The following TTYH3 variants were observed in gnomAD, a reference collection of about 807,000 sequenced individuals.
TTYH3 encodes protein tweety homolog 3.
In TTYH3, 23 loss-of-function variants were observed where a neutral mutation model predicts 68.2. The ratio of observed to expected loss-of-function variants is 0.34; its 90% confidence interval spans 0.24 to 0.48. The LOEUF (loss-of-function observed/expected upper bound fraction) is 0.48, where lower values mean the gene tolerates loss of function less well. Among genes scored for constraint, TTYH3 ranks in the 20% least tolerant of loss-of-function variants. The pLI is 0.99. For synonymous variants in TTYH3, 360 were observed against 332.8 expected (o/e 1.08, Z -0.89); for missense variants, 768 against 727.7 (o/e 1.06, Z -0.64).
rs1366279169 is a variant in TTYH3, at chr7:2,647,030, C to T, written c.293+8C>T. 3.1e-6 allele frequency: 3 copies of T among 977,122 alleles called. No individual in the cohort carries two copies. Among genetic ancestry groups the T allele is most frequent in the African/African-American group, 1.8e-5 (1 of 55,668 alleles). The allele number at this position is 977,122 out of a possible 1,614,324, so 60.5% of individuals were successfully genotyped here. ...CGCCACGCTGGTGTGCAGGTGAGCG[C>T]GGTGGGGCGGGGACGGAGGGCGGGG... On this transcript the variant is annotated splice_region_variant and intron_variant, in intron 2 of 13. Transcript: ENST00000258796.
At chr7:2,636,242 C>G (rs1053575174) in intron 1 of TTYH3, among the ~76,000 whole-genome samples, 1 of 152,234 alleles carries the variant, frequency 6.6e-6, no homozygotes, top group Admixed American at 6.5e-5. Flanking sequence ...ATCCTCCCCA[C>G]TCATCAGAAG....
At chr7:2,660,032 G>T in intron 13 of TTYH3, 1 of 1,282,192 alleles carries the variant, frequency 7.8e-7, no homozygotes, top group Non-Finnish European at 1.0e-6. Context: ...TGTTCCCTCA[G>T]AGCGACAGGT....
At chr7:2,636,955 C>CA (rs1785692436) in intron 1 of TTYH3, among the ~76,000 whole-genome samples, 1 of 152,160 alleles carries the variant, frequency 6.6e-6, no homozygotes, top group South Asian at 2.1e-4. Flanking sequence ...TGGAGTGCAG[C>CA]AGCCTGGGAC....
rs1390801956 is a variant in TTYH3 at position 2,660,207 on chromosome 7, AT to A, written c.1500+1193del. Reference sequence around the variant, plus strand: ...GCCACGGCTCAGCCAGAGACTTCTAATGCCGGCTCTGGGCCCGCCAGCCTCA... The same window carrying A: ...GCCACGGCTCAGCCAGAGACTTCTAAGCCGGCTCTGGGCCCGCCAGCCTCA... On this transcript the variant is annotated intron_variant, in intron 13 of 13. Transcript: ENST00000258796. 3 of 985,290 alleles carry A rather than the reference AT, an allele frequency of 3.0e-6. No individual in the cohort carries two copies. In the African/African-American group the frequency reaches 5.2e-5, roughly 17 times the overall value. 61.0% of individuals were successfully genotyped at this position (985,290 alleles called of 1,614,324 possible). A position where few individuals can be genotyped will look rare whatever the true frequency, so the allele number is the denominator to read the frequency against.
rs762833636 is a variant in TTYH3, at chr7:2,656,417, C to A, written c.1133C>A (p.Thr378Asn). ...CCTCAGGACTACGTGCAAGCGCTGA[C>A]CGGCTTCTGCTATGACGGCGTGGAG... ...SLHLDYVQAL[T>N]GFCYDGVEGL... The change falls in exon 11 of 14, where the codon ACC (threonine) becomes AAC (asparagine). Residue 378 changes from threonine to asparagine, a missense_variant. Coordinates refer to ENST00000258796, the MANE Select transcript of TTYH3 (RefSeq NM_025250.3). 1.5e-5 allele frequency: 24 copies of A among 1,610,960 alleles called. No individual in the cohort carries two copies. The highest frequency in any genetic ancestry group is 2.0e-5 in the Non-Finnish European group (24 of 1,179,622).
intron 7 of TTYH3, 88 bp downstream of exon 7, chr7:2,650,076 C>A: frequency 1.4e-6 from 2 of 1,389,944 alleles, no homozygotes; most frequent in South Asian, 1.2e-5. Flanking sequence ...CGAGACACCC[C>A]TGCCCTGTGG....
rs949246354 is a variant in TTYH3 at position 2,656,250 on chromosome 7, C to T, written c.1113+66C>T. 42 of 1,550,878 alleles carry T rather than the reference C, an allele frequency of 2.7e-5. 1 individual carries two copies. The highest frequency in any genetic ancestry group is 9.5e-5 in the African/African-American group (7 of 73,698). On this transcript the variant is annotated intron_variant, in intron 10 of 13. Coordinates refer to ENST00000258796, the MANE Select transcript of TTYH3 (RefSeq NM_025250.3). ...GGGTGGGAACAGGGGAGCAGCTGTT[C>T]GGGAGGATGGGGACCCTCAGCAGAC...
intron 1 of TTYH3, among the ~76,000 whole-genome samples, chr7:2,635,481 C>A (rs546727655): frequency 2.6e-5 from 4 of 152,334 alleles, no homozygotes; most frequent in East Asian, 3.9e-4. Flanking sequence ...GCCTCTCTCT[C>A]GGGCTGTCTC....
chr7:2,661,606 C>T lies in TTYH3; in HGVS notation c.1501-62C>T, dbSNP rs528087476. ...AGCCAAGTGAGGACCACGCGGAAGG[C>T]GCCCCTGGCTGCGTGCGCCATGCAG... On this transcript the variant is annotated intron_variant, in intron 13 of 13. Coordinates refer to ENST00000258796, the MANE Select transcript of TTYH3 (RefSeq NM_025250.3). 5.9e-6 allele frequency: 9 copies of T among 1,524,364 alleles called. No individual in the cohort carries two copies. The South Asian group carries it at 7.0e-5, about 12-fold the overall frequency. The allele number at this position is 1,524,364 out of a possible 1,614,324, so 94.4% of individuals were successfully genotyped here.
chr7:2,633,477 G>A (rs1304541672), intron 1 of TTYH3, among the ~76,000 whole-genome samples: 1 of 152,154 alleles, frequency 6.6e-6, no homozygotes, highest in Non-Finnish European at 1.5e-5. Flanking sequence ...TAACAGATGA[G>A]GAAGGGGGCG....
At chr7:2,644,290 C>A (rs1349670065) in intron 1 of TTYH3, among the ~76,000 whole-genome samples, 1 of 152,158 alleles carries the variant, frequency 6.6e-6, no homozygotes, top group African/African-American at 2.4e-5. Flanking sequence ...CCACTCCATT[C>A]CCAGCCCCAC....
At chr7:2,656,274 A>G in intron 10 of TTYH3, 90 bp downstream of exon 10, 1 of 1,556,294 alleles carries the variant, frequency 6.4e-7, no homozygotes, top group Non-Finnish European at 8.8e-7. Context: ...CCCTCAGCAG[A>G]CAGTGGGTCC....
rs559380325 is a variant in TTYH3 at position 2,653,002 on chromosome 7, G to A, written c.1012G>A (p.Ala338Thr). The part of the protein sequence containing the change: ...LLRTVPWEQP[A>T]TKDPLLRVQE... ...GAGGACCGTCCCCTGGGAGCAGCCGGCCACTAAGGTGAGGGGCTGCGGGGT... is the reference window on the plus strand; with the variant it reads ...GAGGACCGTCCCCTGGGAGCAGCCGACCACTAAGGTGAGGGGCTGCGGGGT... Residue 338 changes from alanine to threonine, a missense_variant, in exon 9 of 14, where the codon GCC (alanine) becomes ACC (threonine). Ala to Thr is a moderately conservative substitution (Grantham distance 58). Coordinates refer to ENST00000258796, the MANE Select transcript of TTYH3 (RefSeq NM_025250.3). The A allele has an allele frequency of 3.2e-6, 5 of 1,569,512 alleles. No individual in the cohort carries two copies. In the East Asian group the frequency reaches 9.2e-5, roughly 29 times the overall value.
At chr7:2,638,813 G>A (rs1163160042) in intron 1 of TTYH3, among the ~76,000 whole-genome samples, 1 of 152,202 alleles carries the variant, frequency 6.6e-6, no homozygotes, top group Admixed American at 6.5e-5. Flanking sequence ...GCCGCATGGG[G>A]GGCTGAGGCC....
chr7:2,659,064 G>A (rs1226504709), intron 13 of TTYH3, 49 bp downstream of exon 13: 4 of 1,574,398 alleles, frequency 2.5e-6, no homozygotes, highest in African/African-American at 2.7e-5. Flanking sequence ...AGCCTTGGGG[G>A]TCCGCTGTTC....
At chr7:2,643,329 T>G in intron 1 of TTYH3, among the ~76,000 whole-genome samples, 1 of 133,680 alleles carries the variant, frequency 7.5e-6, no homozygotes, top group African/African-American at 3.0e-5. Context: ...CACTCCAGCC[T>G]GGGCGACAGA....
In TTYH3 at chr7:2,639,083, C is replaced by T. The variant is rs558426038; in HGVS notation, c.123+6805C>T. Among the ~76,000 whole-genome samples, 15 of 152,262 alleles carry T rather than the reference C, an allele frequency of 9.9e-5. No homozygotes were observed. The South Asian group carries it at 3.1e-3, about 32-fold the overall frequency. On this transcript the variant is annotated intron_variant, in intron 1 of 13. Transcript: ENST00000258796. Reference sequence around the variant, plus strand: ...CCTCGGTCTGCACTGGGGTGTGGGACCCCAGCCAGCCTCTCAGACACCCCC... The same window carrying T: ...CCTCGGTCTGCACTGGGGTGTGGGATCCCAGCCAGCCTCTCAGACACCCCC...
Position 2,647,479 on chromosome 7 carries a change from G to A in TTYH3, c.467G>A (p.Arg156Gln), listed in dbSNP as rs1208049038. The A allele has an allele frequency of 3.3e-6, 5 of 1,535,584 alleles. No individual in the cohort carries two copies. The highest frequency in any genetic ancestry group is 3.9e-5 in the Admixed American group (2 of 50,864). ...TAEPSLQTLE[R>Q]QLAGRPEPLR... Reference sequence around the variant, plus strand: ...GAGCCCAGCCTGCAGACCCTGGAGCGGCAGCTGGCCGGGCGGCCCGAGCCC... The same window carrying A: ...GAGCCCAGCCTGCAGACCCTGGAGCAGCAGCTGGCCGGGCGGCCCGAGCCC... The change falls in exon 4 of 14, where the codon CGG becomes CAG. Residue 156 changes from arginine to glutamine, a missense_variant. Coordinates refer to ENST00000258796, the MANE Select transcript of TTYH3 (RefSeq NM_025250.3).
intron 12 of TTYH3, 45 bp downstream of exon 12, chr7:2,658,504 C>A (rs376701536): frequency 1.3e-6 from 2 of 1,564,820 alleles, no homozygotes; most frequent in South Asian, 2.3e-5. Flanking sequence ...ACGTCAGCTG[C>A]GGCTGAGAGC....
Sources: allele counts gnomAD v4.1 joint callset (sites outside exome capture counted in the v4.1 genomes callset), GRCh38; gene constraint gnomAD v4.1.1; transcripts MANE v1.5; gene names NCBI Gene and HGNC (gene_info 2026-07-23, HGNC 2026-07-21).